Variants in SORCS2 observed in about 807,000 individuals in gnomAD.
The protein encoded by SORCS2 is VPS10 domain-containing receptor SorCS2.
SORCS2 carries 100 observed loss-of-function variants against 141.6 expected under a neutral mutation model. The observed-to-expected ratio is 0.71, with a 90% CI of 0.60 to 0.83. SORCS2 has a LOEUF of 0.83. Among genes scored for constraint, SORCS2 ranks in the 40% least tolerant of loss-of-function variants. The pLI is 0.00. For missense variants in SORCS2, 1,646 were observed against 1,560.2 expected (o/e 1.05, Z -0.93); for synonymous variants, 789 against 676.9 (o/e 1.17, Z -2.57).
chr4:7,720,740 A>T (rs563867128), intron 18 of SORCS2, among the ~76,000 whole-genome samples: 25 of 152,224 alleles, frequency 1.6e-4, no homozygotes, highest in Non-Finnish European at 2.8e-4. Context: ...AGCACACGAA[A>T]AGATGACAAA....
intron 8 of SORCS2, among the ~76,000 whole-genome samples, chr4:7,673,193 G>A (rs982116842): frequency 6.6e-5 from 10 of 152,184 alleles, no homozygotes; most frequent in Admixed American, 1.3e-4. Flanking sequence ...TACATAAAAC[G>A]AAATACGTGC....
chr4:7,423,891 G>A (rs11733774), intron 2 of SORCS2, among the ~76,000 whole-genome samples: 18,840 of 152,238 alleles, frequency 0.12, 1,647 homozygotes, highest in East Asian at 0.44. Context: ...CCACCGTGGC[G>A]GCCAGCGTCA....
At chr4:7,628,550 A>G (rs1196042437) in intron 3 of SORCS2, among the ~76,000 whole-genome samples, 2 of 150,422 alleles carry the variant, frequency 1.3e-5, no homozygotes, top group East Asian at 2.0e-4. Context: ...AGTGAGAGTT[A>G]AATATATCCC....
chr4:7,259,491 T>C (rs750488281), intron 1 of SORCS2, among the ~76,000 whole-genome samples: 1 of 152,222 alleles, frequency 6.6e-6, no homozygotes, highest in Non-Finnish European at 1.5e-5. Flanking sequence ...GCGCTCTTCC[T>C]GGTGAGAGCA....
At chr4:7,407,783 A>T (rs1725063398) in intron 2 of SORCS2, among the ~76,000 whole-genome samples, 1 of 151,938 alleles carries the variant, frequency 6.6e-6, no homozygotes, top group South Asian at 2.1e-4. Context: ...CTTTGTGGTT[A>T]AGTGCTTTTT....
chr4:7,222,383 G>T (rs953498683), intron 1 of SORCS2, among the ~76,000 whole-genome samples: 1 of 152,160 alleles, frequency 6.6e-6, no homozygotes, highest in Non-Finnish European at 1.5e-5. Context: ...AGCCAGCCAC[G>T]AACAGCCACA....
intron 1 of SORCS2, among the ~76,000 whole-genome samples, chr4:7,358,612 C>T (rs1029976656): frequency 1.3e-5 from 2 of 152,278 alleles, no homozygotes; most frequent in East Asian, 3.9e-4. Flanking sequence ...TGACTCGTGT[C>T]CTCTAAGTAG....
At chr4:7,540,675 C>T (rs1426258098) in intron 3 of SORCS2, among the ~76,000 whole-genome samples, 1 of 152,228 alleles carries the variant, frequency 6.6e-6, no homozygotes, top group Non-Finnish European at 1.5e-5. Flanking sequence ...GCCCACACAT[C>T]TGATGAAGAG....
At chr4:7,267,374 C>T (rs1021475732) in intron 1 of SORCS2, among the ~76,000 whole-genome samples, 2 of 152,220 alleles carry the variant, frequency 1.3e-5, no homozygotes, top group African/African-American at 2.4e-5. Flanking sequence ...AGAGTAAGGA[C>T]TTGCCGCAGC....
At chr4:7,524,476 G>C (rs1733537080) in intron 2 of SORCS2, among the ~76,000 whole-genome samples, 2 of 152,024 alleles carry the variant, frequency 1.3e-5, no homozygotes, top group Admixed American at 1.3e-4. Context: ...TCACGCCCTG[G>C]CCCTGCCCTC....
intron 1 of SORCS2, among the ~76,000 whole-genome samples, chr4:7,241,805 G>A (rs1246788485): frequency 6.6e-6 from 1 of 152,236 alleles, no homozygotes; most frequent in East Asian, 1.9e-4. Context: ...GACTGAGTGA[G>A]CACTTGGGGA....
chr4:7,742,253 CT>C lies in SORCS2; in HGVS notation c.*1990del, dbSNP rs1712734441. On this transcript the variant is annotated 3_prime_UTR_variant, in exon 27 of 27. Coordinates refer to ENST00000507866, the MANE Select transcript of SORCS2 (RefSeq NM_020777.3). The stretch of plus-strand genomic sequence containing the variant: ...GGACACCTTTGCAGGGATTCTTGTC[CT>C]GCTGGCCACCCCACCCACACCTGTC... 1 of 152,272 alleles carries C rather than the reference CT, an allele frequency of 6.6e-6. No homozygotes were observed. Among genetic ancestry groups the C allele is most frequent in the Non-Finnish European group, 1.5e-5 (1 of 68,114 alleles). 9.4% of individuals were successfully genotyped at this position (152,272 alleles called of 1,614,324 possible).
In SORCS2 at chr4:7,667,092, C is replaced by T. The variant is rs138335378; in HGVS notation, c.1072-32C>T. 294 of 1,571,852 alleles carry T rather than the reference C, an allele frequency of 1.9e-4. 1 individual carries two copies. The East Asian group carries it at 5.1e-3, about 27-fold the overall frequency. Reference sequence around the variant, plus strand: ...GACTGTGGCTGGAGAGGGAATCAAGCCTCTCAAAAATGTGTTTCTTCCCCC... The same window carrying T: ...GACTGTGGCTGGAGAGGGAATCAAGTCTCTCAAAAATGTGTTTCTTCCCCC... On this transcript the variant is annotated intron_variant, in intron 7 of 26. Coordinates refer to ENST00000507866, the MANE Select transcript of SORCS2 (RefSeq NM_020777.3).
chr4:7,239,295 C>T (rs73799414), intron 1 of SORCS2, among the ~76,000 whole-genome samples: 3,101 of 152,340 alleles, frequency 0.02, 93 homozygotes, highest in African/African-American at 0.065. Flanking sequence ...GGCCCAGCAC[C>T]GAGGGATCTG....
intron 3 of SORCS2, among the ~76,000 whole-genome samples, chr4:7,551,489 G>A (rs947696197): frequency 1.3e-5 from 2 of 152,216 alleles, no homozygotes; most frequent in Admixed American, 6.5e-5. Context: ...GGGCAGTCAA[G>A]GGCTATGAGA....
chr4:7,720,761 C>T (rs781310764), intron 18 of SORCS2, among the ~76,000 whole-genome samples: 12 of 152,156 alleles, frequency 7.9e-5, no homozygotes, highest in East Asian at 1.9e-4. Flanking sequence ...CGCCATCAGC[C>T]GCCAGGGAAG....
intron 1 of SORCS2, among the ~76,000 whole-genome samples, chr4:7,269,722 C>T (rs142892217): frequency 1.2e-3 from 180 of 152,212 alleles, no homozygotes; most frequent in African/African-American, 3.9e-3. Context: ...AAGGAACAAG[C>T]CCCCCAGCCC....
intron 1 of SORCS2, among the ~76,000 whole-genome samples, chr4:7,297,948 G>T (rs1037664681): frequency 1.3e-5 from 2 of 152,228 alleles, no homozygotes; most frequent in Admixed American, 6.5e-5. Context: ...CCTGGGGCTG[G>T]TATCCGCCTT....
At chr4:7,684,857 C>A (rs976030673) in intron 10 of SORCS2, among the ~76,000 whole-genome samples, 1 of 152,090 alleles carries the variant, frequency 6.6e-6, no homozygotes, top group Admixed American at 6.5e-5. Flanking sequence ...CCATGGAGGC[C>A]GTGGTACTAA....
Sources: allele counts gnomAD v4.1 joint callset (sites outside exome capture counted in the v4.1 genomes callset), GRCh38; gene constraint gnomAD v4.1.1; transcripts MANE v1.5; gene names NCBI Gene and HGNC (gene_info 2026-07-23, HGNC 2026-07-21).